Variants in BEND6 observed in about 807,000 individuals in gnomAD.
BEND6 encodes BEN domain-containing protein 6.
Under a neutral mutation model 31.8 loss-of-function variants are expected in BEND6, and 24 were observed. The ratio of observed to expected loss-of-function variants is 0.75; its 90% confidence interval spans 0.55 to 1.06. The LOEUF is 1.06. Ranked by LOEUF, BEND6 falls within the 50% of genes least tolerant of loss-of-function variation. BEND6 has a pLI of 0.00. For missense variants in BEND6, 294 were observed against 327.4 expected (o/e 0.90, Z 0.79); for synonymous variants, 109 against 114.6 (o/e 0.95, Z 0.31).
chr6:57,007,305 AATC>A (rs1827193170), intron 3 of BEND6, among the ~76,000 whole-genome samples: 1 of 151,996 alleles, frequency 6.6e-6, no homozygotes, highest in African/African-American at 2.4e-5. Context: ...AAAAAAAAAA[AATC>A]ATGCTGGGAA....
intron 1 of BEND6, among the ~76,000 whole-genome samples, chr6:56,960,838 A>C (rs893101689): frequency 2.6e-5 from 4 of 152,224 alleles, no homozygotes; most frequent in African/African-American, 9.6e-5. Flanking sequence ...GAGAAAGAAA[A>C]GTACATCTTT....
At chr6:56,963,454 C>A (rs930691573) in intron 1 of BEND6, among the ~76,000 whole-genome samples, 5 of 152,166 alleles carry the variant, frequency 3.3e-5, no homozygotes, top group Non-Finnish European at 7.3e-5. Flanking sequence ...ATGTCTCCAT[C>A]ATTATCGCTT....
intron 3 of BEND6, chr6:57,014,462 G>A: frequency 1.3e-6 from 2 of 1,499,204 alleles, no homozygotes; most frequent in East Asian, 2.6e-5. Flanking sequence ...TTGTCCTTAG[G>A]AAACAAACTA....
At chr6:56,986,359 G>A (rs1436582254) in intron 2 of BEND6, among the ~76,000 whole-genome samples, 1 of 152,032 alleles carries the variant, frequency 6.6e-6, no homozygotes, top group East Asian at 1.9e-4. Flanking sequence ...GACTGCTTGA[G>A]CCCAGGAGTT....
intron 2 of BEND6, among the ~76,000 whole-genome samples, chr6:56,989,943 G>T (rs1408136558): frequency 6.6e-6 from 1 of 152,074 alleles, no homozygotes; most frequent in Non-Finnish European, 1.5e-5. Context: ...TATGATCAAT[G>T]ATTTTATGCC....
intron 2 of BEND6, among the ~76,000 whole-genome samples, chr6:56,989,266 C>T (rs182655579): frequency 2.0e-5 from 3 of 150,990 alleles, no homozygotes; most frequent in Non-Finnish European, 4.4e-5. Flanking sequence ...ATTTCTTACT[C>T]AACATTTTAC....
At chr6:56,980,035 G>A in intron 1 of BEND6, among the ~76,000 whole-genome samples, 1 of 152,154 alleles carries the variant, frequency 6.6e-6, no homozygotes, top group East Asian at 1.9e-4. Flanking sequence ...ACTGTGTGAG[G>A]TAACCCTCTA....
chr6:56,968,224 T>C (rs543138112), intron 1 of BEND6, among the ~76,000 whole-genome samples: 4 of 152,176 alleles, frequency 2.6e-5, no homozygotes, highest in African/African-American at 9.6e-5. Context: ...TTTTCTTTCC[T>C]TTCCCTTCAT....
intron 3 of BEND6, 83 bp downstream of exon 3, chr6:56,992,638 TGAA>T: frequency 7.0e-7 from 1 of 1,423,026 alleles, no homozygotes; most frequent in Non-Finnish European, 9.4e-7. Flanking sequence ...CTGTCAAGAA[TGAA>T]GAAGAAAATC....
intron 1 of BEND6, among the ~76,000 whole-genome samples, chr6:56,967,871 C>A (rs1416068737): frequency 6.6e-6 from 1 of 152,192 alleles, no homozygotes; most frequent in African/African-American, 2.4e-5. Context: ...TTGCCAGGTT[C>A]CACCGTGGAC....
intron 1 of BEND6, among the ~76,000 whole-genome samples, 152 bp from the exon 2 acceptor site, chr6:56,981,559 C>G (rs972704095): frequency 3.3e-5 from 5 of 152,112 alleles, no homozygotes; most frequent in African/African-American, 1.2e-4. Context: ...AATTAGAAGA[C>G]TTTTGCATCA....
chr6:56,981,395 A>C (rs1258494420), intron 1 of BEND6, among the ~76,000 whole-genome samples: 1 of 152,182 alleles, frequency 6.6e-6, no homozygotes, highest in Non-Finnish European at 1.5e-5. Flanking sequence ...TGTTTTTATA[A>C]ATTTGTAATG....
At chr6:57,018,702 G>A (rs1175024052) in intron 6 of BEND6, 145 bp downstream of exon 6, 1 of 835,926 alleles carries the variant, frequency 1.2e-6, no homozygotes, top group Non-Finnish European at 1.6e-6. Context: ...GGTGGCAAAA[G>A]GGGAGAACTG....
rs1403252833 is a variant in BEND6, at chr6:57,014,555, GAA to G, written c.299-575_299-574del. On this transcript the variant is annotated intron_variant, in intron 3 of 6. Coordinates refer to ENST00000370746, the MANE Select transcript of BEND6 (RefSeq NM_152731.3). ...GTTTCCATTTGAAAAAAGGAACAAA[GAA>G]AATATTCCATTGATTACCAAAATTC... is the stretch of plus-strand genomic sequence containing the variant. The G allele has an allele frequency of 1.2e-5, 17 of 1,442,964 alleles. No individual in the cohort carries two copies. The Middle Eastern group carries it at 5.3e-4, about 45-fold the overall frequency. The allele number at this position is 1,442,964 out of a possible 1,614,324, so 89.4% of individuals were successfully genotyped here. A position where few individuals can be genotyped will look rare whatever the true frequency, so the allele number is the denominator to read the frequency against.
At chr6:56,961,752 C>T (rs1470126686) in intron 1 of BEND6, among the ~76,000 whole-genome samples, 1 of 152,142 alleles carries the variant, frequency 6.6e-6, no homozygotes, top group African/African-American at 2.4e-5. Flanking sequence ...GTAAATAAAG[C>T]CACCACTCTT....
intron 3 of BEND6, among the ~76,000 whole-genome samples, chr6:57,001,887 A>T (rs1207002787): frequency 6.6e-6 from 1 of 152,242 alleles, no homozygotes; most frequent in Non-Finnish European, 1.5e-5. Context: ...AACTTCATAT[A>T]TCAGTATTAA....
At chr6:57,004,425 C>T (rs535596202) in intron 3 of BEND6, 6 of 573,308 alleles carry the variant, frequency 1.0e-5, no homozygotes, top group South Asian at 7.1e-5. Flanking sequence ...CTCATCCCCC[C>T]ACCCCAGCTG....
chr6:57,015,380 T>C (rs1212246915), intron 4 of BEND6, 27 bp downstream of exon 4: 16 of 1,562,290 alleles, frequency 1.0e-5, no homozygotes, highest in Non-Finnish European at 1.2e-5. Context: ...GCCTTATTGT[T>C]CTTTGGAATA....
Position 56,998,879 on chromosome 6 carries a change from C to T in BEND6, c.298+6324C>T, listed in dbSNP as rs140208941. Among the ~76,000 whole-genome samples the T allele has an allele frequency of 3.5e-3, 532 of 152,228 alleles. 5 individuals are homozygous for T. Among genetic ancestry groups the T allele is most frequent in the African/African-American group, 0.012 (491 of 41,536 alleles). Reference sequence around the variant, plus strand: ...ACCTCTGAAATGGAGAAAATGTTTGCAAACTCTGCATCTGACATGGGGTTA... The same window carrying T: ...ACCTCTGAAATGGAGAAAATGTTTGTAAACTCTGCATCTGACATGGGGTTA... On this transcript the variant is annotated intron_variant, in intron 3 of 6. Transcript: ENST00000370746.
Sources: gnomAD v4.1 joint callset for allele counts (sites outside exome capture counted in the v4.1 genomes callset) on GRCh38, gnomAD v4.1.1 for gene constraint, MANE v1.5 for transcripts, NCBI Gene and HGNC (gene_info 2026-07-23, HGNC 2026-07-21) for gene names.